Variants in ARPP21 observed in about 807,000 individuals in gnomAD.
ARPP21 encodes the protein cAMP regulated phosphoprotein 21, also known as cAMP-regulated phosphoprotein 21.
In ARPP21, 69 loss-of-function variants were observed where a neutral mutation model predicts 113.2. That is an observed-to-expected ratio of 0.61 (90% confidence interval 0.50 to 0.74). The LOEUF (loss-of-function observed/expected upper bound fraction) is 0.74, where lower values mean the gene tolerates loss of function less well. Ranked by LOEUF, ARPP21 falls within the 30% of genes least tolerant of loss-of-function variation. The probability of loss-of-function intolerance (pLI) is 0.00; values close to 1 mark genes in which losing one functional copy is unlikely to be tolerated. For missense variants in ARPP21, 1,070 were observed against 1,037.4 expected (o/e 1.03, Z -0.43); for synonymous variants, 368 against 375.5 (o/e 0.98, Z 0.23).
At position 35,687,809 on chromosome 3, in the gene ARPP21, C is replaced by T. The variant is rs767014438; in HGVS notation, c.332C>T (p.Ser111Phe). The T allele has an allele frequency of 6.2e-7, 1 of 1,604,958 alleles. No individual in the cohort carries two copies. Among genetic ancestry groups the T allele is most frequent in the Admixed American group, 1.7e-5 (1 of 58,662 alleles). ...QEEDKSRKDDSEREKEKDKNK... is the reference protein window; with the variant it reads ...QEEDKSRKDDFEREKEKDKNK... ...GAGGATAAATCTAGGAAAGATGACT[C>T]TGAAAGAGAAAAAGAAAAGGATAAA... Residue 111 changes from serine (S) to phenylalanine (F), a missense_variant, in exon 6 of 21, where the codon TCT becomes TTT. Physicochemically the swap from Ser to Phe is radical, Grantham distance 155 (BLOSUM62 -2). Coordinates refer to ENST00000684406, the MANE Select transcript of ARPP21 (RefSeq NM_001385562.1).
At chr3:35,777,878 C>T (rs1478884382) in intron 19 of ARPP21, among the ~76,000 whole-genome samples, 1 of 152,064 alleles carries the variant, frequency 6.6e-6, no homozygotes, top group Non-Finnish European at 1.5e-5. Context: ...ATAATACTTC[C>T]TAAGTTATTA....
Position 35,651,118 on chromosome 3 carries a change from AT to A in ARPP21, c.-213+10721del, listed in dbSNP as rs1702195980. Among the ~76,000 whole-genome samples the A allele has an allele frequency of 5.3e-5, 8 of 152,126 alleles. No homozygotes were observed. The South Asian group carries it at 1.7e-3, about 31-fold the overall frequency. Reference sequence around the variant, plus strand: ...GTGATCAGAGGAAGATGAAATTTAAATGGTTCTGTAGGAAAACCACAGAGGA... The same window carrying A: ...GTGATCAGAGGAAGATGAAATTTAAAGGTTCTGTAGGAAAACCACAGAGGA... On this transcript the variant is annotated intron_variant, in intron 1 of 20. Coordinates refer to ENST00000684406, the MANE Select transcript of ARPP21 (RefSeq NM_001385562.1).
At chr3:35,683,925 G>T in intron 5 of ARPP21, 110 bp downstream of exon 5, 1 of 1,025,804 alleles carries the variant, frequency 9.7e-7, no homozygotes, top group Non-Finnish European at 1.5e-6. Flanking sequence ...TATAATTGAA[G>T]AAAATAATTC....
intron 10 of ARPP21, chr3:35,707,370 G>A (rs1458542897): frequency 6.9e-6 from 4 of 580,918 alleles, no homozygotes; most frequent in Non-Finnish European, 1.3e-5. Context: ...GATGCCACAG[G>A]CTCCGAGCTG....
chr3:35,701,131 T>C (rs903524693), intron 9 of ARPP21, among the ~76,000 whole-genome samples: 1 of 150,912 alleles, frequency 6.6e-6, no homozygotes, highest in Admixed American at 6.6e-5. Context: ...AATTTTAGGC[T>C]AATCCAAAAC....
chr3:35,649,002 G>C (rs368995865), intron 1 of ARPP21, among the ~76,000 whole-genome samples: 1 of 152,104 alleles, frequency 6.6e-6, no homozygotes, highest in African/African-American at 2.4e-5. Flanking sequence ...ACATGCTTAC[G>C]CACAAGTCAT....
rs775647969 is a variant in ARPP21 at position 35,707,027 on chromosome 3, A to G, written c.740A>G (p.Gln247Arg). The G allele has an allele frequency of 6.2e-7, 1 of 1,614,160 alleles. No individual in the cohort carries two copies. The highest frequency in any genetic ancestry group is 8.5e-7 in the Non-Finnish European group (1 of 1,179,976). ...AAAGATGAAAAAGGTGAAGAATCCC[A>G]GAAGCGGTTTATCTTGAAGCGAGAT... ...HLKDEKGEES[Q>R]KRFILKRDNS... Residue 247 changes from glutamine to arginine, a missense_variant, in exon 10 of 21, where the codon CAG (glutamine) becomes CGG (arginine). By Grantham distance (43) the Gln-to-Arg change is conservative. Transcript: ENST00000684406.
chr3:35,648,361 T>C (rs1311762113), intron 1 of ARPP21, among the ~76,000 whole-genome samples: 6 of 152,214 alleles, frequency 3.9e-5, no homozygotes, highest in Admixed American at 3.3e-4. Context: ...AGGAAACAAC[T>C]GGAATGAATC....
At chr3:35,678,458 G>A (rs187153249) in intron 1 of ARPP21, among the ~76,000 whole-genome samples, 1 of 152,004 alleles carries the variant, frequency 6.6e-6, no homozygotes, top group African/African-American at 2.4e-5. Context: ...AGTAGCTATG[G>A]TGAAACTGAT....
intron 19 of ARPP21, among the ~76,000 whole-genome samples, chr3:35,759,883 C>T (rs2095705372): frequency 6.6e-6 from 1 of 151,982 alleles, no homozygotes. Context: ...AACCAATGTG[C>T]TATGCCAAAG....
chr3:35,790,752 G>A (rs1377362277), intron 19 of ARPP21, among the ~76,000 whole-genome samples: 1 of 152,204 alleles, frequency 6.6e-6, no homozygotes, highest in Non-Finnish European at 1.5e-5. Flanking sequence ...TGGACAGAAT[G>A]TAGCTCAAGG....
chr3:35,680,438 T>C (rs2078571627), intron 2 of ARPP21, among the ~76,000 whole-genome samples: 1 of 151,928 alleles, frequency 6.6e-6, no homozygotes, highest in South Asian at 2.1e-4. Context: ...TGAATAAGCC[T>C]GTGTATTTTA....
intron 14 of ARPP21, among the ~76,000 whole-genome samples, chr3:35,724,352 A>G (rs2093365760): frequency 6.6e-6 from 1 of 152,190 alleles, no homozygotes; most frequent in African/African-American, 2.4e-5. Flanking sequence ...TGGTTGAGAA[A>G]TAAGAGTATG....
At chr3:35,674,185 G>A (rs2076966189) in intron 1 of ARPP21, among the ~76,000 whole-genome samples, 1 of 151,882 alleles carries the variant, frequency 6.6e-6, no homozygotes, top group South Asian at 2.1e-4. Flanking sequence ...TCATTTCAGA[G>A]GATCATTTCA....
At chr3:35,664,779 C>G (rs925691031) in intron 1 of ARPP21, among the ~76,000 whole-genome samples, 1 of 152,122 alleles carries the variant, frequency 6.6e-6, no homozygotes, top group Non-Finnish European at 1.5e-5. Flanking sequence ...AGGCAGAAGG[C>G]CAAGAATACA....
intron 19 of ARPP21, among the ~76,000 whole-genome samples, chr3:35,746,079 C>T (rs2150942088): frequency 6.6e-6 from 1 of 152,264 alleles, no homozygotes; most frequent in South Asian, 2.1e-4. Context: ...ACAGTATTGT[C>T]CCCAGAAATG....
chr3:35,752,290 G>C (rs572221806), intron 19 of ARPP21, among the ~76,000 whole-genome samples: 140 of 152,124 alleles, frequency 9.2e-4, no homozygotes, highest in African/African-American at 3.3e-3. Context: ...TTTGGATCTA[G>C]ATGCCATTGA....
chr3:35,776,386 G>A (rs2096368392), intron 19 of ARPP21, among the ~76,000 whole-genome samples: 1 of 152,144 alleles, frequency 6.6e-6, no homozygotes, highest in South Asian at 2.1e-4. Flanking sequence ...AGTCTAACAA[G>A]TTAGAAGACA....
At chr3:35,715,259 G>A (rs1055406304) in intron 11 of ARPP21, 180 bp from the exon 12 acceptor site, 1 of 577,728 alleles carries the variant, frequency 1.7e-6, no homozygotes, top group Admixed American at 3.0e-5. Flanking sequence ...TGCTGCATGA[G>A]AATTGTTTAC....
Sources: gnomAD v4.1 joint callset for allele counts (sites outside exome capture counted in the v4.1 genomes callset) on GRCh38, gnomAD v4.1.1 for gene constraint, MANE v1.5 for transcripts, NCBI Gene and HGNC (gene_info 2026-07-23, HGNC 2026-07-21) for gene names.